PARD3: variants seen among roughly 807,000 people sequenced by gnomAD.
PARD3 encodes the protein partitioning defective 3 homolog.
A neutral mutation model predicts 155.4 loss-of-function variants in PARD3; 75 were observed. The ratio of observed to expected loss-of-function variants is 0.48; its 90% CI spans 0.40 to 0.58. The LOEUF is 0.58. PARD3 is among the 20% of genes least tolerant of loss of function. The probability of loss-of-function intolerance (pLI) is 0.00; values close to 1 mark genes in which losing one functional copy is unlikely to be tolerated. For synonymous variants in PARD3, 576 were observed against 610.5 expected, an observed-to-expected ratio of 0.94 and a Z score of 0.83; for missense variants, 1,642 against 1,721.7, an observed-to-expected ratio of 0.95 and a Z score of 0.82.
chr10:34,713,441 C>T (rs1360569861), intron 1 of PARD3, among the ~76,000 whole-genome samples: 3 of 151,876 alleles, frequency 2.0e-5, no homozygotes, highest in South Asian at 2.1e-4. Flanking sequence ...ATACTCCAGG[C>T]AGTGCTAGAT....
chr10:34,319,671 GCTTA>G (rs1419755070), intron 19 of PARD3, among the ~76,000 whole-genome samples: 2 of 152,170 alleles, frequency 1.3e-5, no homozygotes, highest in East Asian at 1.9e-4. Flanking sequence ...TGGCCCAAGG[GCTTA>G]CTAATTATGT....
intron 1 of PARD3, among the ~76,000 whole-genome samples, chr10:34,792,880 A>G (rs1841837168): frequency 6.6e-6 from 1 of 152,280 alleles, no homozygotes; most frequent in Non-Finnish European, 1.5e-5. Flanking sequence ...AACATGTAAT[A>G]ACACGGTCAA....
chr10:34,665,375 C>T (rs1213096801), intron 2 of PARD3, among the ~76,000 whole-genome samples: 2 of 151,472 alleles, frequency 1.3e-5, no homozygotes, highest in Non-Finnish European at 2.9e-5. Context: ...AAAAAAATAG[C>T]CAGGCGTGGT....
chr10:34,258,574 G>T (rs1455110788), intron 22 of PARD3, among the ~76,000 whole-genome samples: 1 of 152,132 alleles, frequency 6.6e-6, no homozygotes, highest in Non-Finnish European at 1.5e-5. Flanking sequence ...CCCAGCTGGT[G>T]GTGCTGGAGA....
At chr10:34,553,276 G>C (rs1472305104) in intron 2 of PARD3, among the ~76,000 whole-genome samples, 1 of 152,166 alleles carries the variant, frequency 6.6e-6, no homozygotes, top group African/African-American at 2.4e-5. Context: ...GCTGGTTAAA[G>C]GAAGGCTTCC....
intron 2 of PARD3, among the ~76,000 whole-genome samples, chr10:34,681,334 C>A (rs191063335): frequency 1.3e-5 from 2 of 152,064 alleles, no homozygotes; most frequent in African/African-American, 4.8e-5. Flanking sequence ...TCCTTCACAG[C>A]GACAGTTTGA....
intron 5 of PARD3, among the ~76,000 whole-genome samples, chr10:34,404,773 T>C (rs1844262429): frequency 6.6e-6 from 1 of 152,022 alleles, no homozygotes; most frequent in African/African-American, 2.4e-5. Flanking sequence ...CCTTCTTCTA[T>C]AAAACGTGAA....
chr10:34,631,260 T>C (rs991722460), intron 2 of PARD3, among the ~76,000 whole-genome samples: 1 of 152,080 alleles, frequency 6.6e-6, no homozygotes, highest in African/African-American at 2.4e-5. Context: ...AATCCAACAT[T>C]TTCCCCTCGA....
intron 21 of PARD3, among the ~76,000 whole-genome samples, chr10:34,276,238 T>TC (rs1022262104): frequency 1.7e-3 from 101 of 61,092 alleles, no homozygotes; most frequent in African/African-American, 3.5e-3. Context: ...AATACATCTT[T>TC]CCTTTTTGTA....
chr10:34,460,312 A>C (rs375268973), intron 4 of PARD3, among the ~76,000 whole-genome samples: 3 of 152,096 alleles, frequency 2.0e-5, no homozygotes, highest in Non-Finnish European at 2.9e-5. Context: ...CCTTCCCCCC[A>C]AAAAAACACA....
chr10:34,802,270 C>G (rs1309084081), intron 1 of PARD3, among the ~76,000 whole-genome samples: 1 of 151,364 alleles, frequency 6.6e-6, no homozygotes, highest in African/African-American at 2.4e-5. Context: ...ACTGGAATTT[C>G]TAAAGCACTT....
chr10:34,220,964 C>T (rs987613464), intron 22 of PARD3, among the ~76,000 whole-genome samples: 6 of 152,090 alleles, frequency 3.9e-5, no homozygotes, highest in Admixed American at 2.6e-4. Flanking sequence ...CTTTGGGAGA[C>T]GGACTGGCCA....
intron 23 of PARD3, among the ~76,000 whole-genome samples, chr10:34,120,073 G>A (rs1946908652): frequency 7.6e-6 from 1 of 130,770 alleles, no homozygotes; most frequent in East Asian, 2.3e-4. Context: ...CAGGAGTGCA[G>A]TAGTGCAATC....
At chr10:34,283,481 G>A (rs1478326576) in intron 21 of PARD3, among the ~76,000 whole-genome samples, 1 of 152,036 alleles carries the variant, frequency 6.6e-6, no homozygotes, top group Non-Finnish European at 1.5e-5. Flanking sequence ...TAGAAAAACG[G>A]TTTTCGAGTG....
At chr10:34,610,916 T>C (rs527483285) in intron 2 of PARD3, among the ~76,000 whole-genome samples, 4 of 152,136 alleles carry the variant, frequency 2.6e-5, no homozygotes, top group Non-Finnish European at 5.9e-5. Context: ...GGGGGGGAGT[T>C]TGAAATTTTC....
At chr10:34,186,982 C>T (rs1473176296) in intron 22 of PARD3, among the ~76,000 whole-genome samples, 1 of 152,204 alleles carries the variant, frequency 6.6e-6, no homozygotes. Flanking sequence ...CCTCCCTTTC[C>T]TCTCTCCTGC....
chr10:34,387,173 GACT>G (rs1427804918), intron 7 of PARD3, among the ~76,000 whole-genome samples: 2 of 152,154 alleles, frequency 1.3e-5, no homozygotes, highest in Non-Finnish European at 2.9e-5. Flanking sequence ...TTCCCAATAT[GACT>G]ACAATATTAC....
chr10:34,273,667 T>C (rs921921110), intron 21 of PARD3, among the ~76,000 whole-genome samples: 1 of 152,200 alleles, frequency 6.6e-6, no homozygotes, highest in African/African-American at 2.4e-5. Context: ...GAAGGGTACA[T>C]AGGACCTCTT....
At chr10:34,630,669 C>T (rs1480126079) in intron 2 of PARD3, among the ~76,000 whole-genome samples, 1 of 151,788 alleles carries the variant, frequency 6.6e-6, no homozygotes, top group African/African-American at 2.4e-5. Flanking sequence ...GTCTCAAACT[C>T]CTGAGCTCAA....
Sources: gnomAD v4.1 joint callset for allele counts (sites outside exome capture counted in the v4.1 genomes callset) on GRCh38, gnomAD v4.1.1 for gene constraint, MANE v1.5 for transcripts, NCBI Gene and HGNC (gene_info 2026-07-23, HGNC 2026-07-21) for gene names.